The following AFF2 variants were observed in gnomAD, a reference collection of about 807,000 sequenced individuals.
AFF2 encodes the protein ALF transcription elongation factor 2.
Under a neutral mutation model 76.9 loss-of-function variants are expected in AFF2, and 14 were observed. The ratio of observed to expected loss-of-function variants is 0.18; its 90% confidence interval spans 0.12 to 0.28. The LOEUF is 0.28. AFF2 is among the 10% of genes least tolerant of loss of function. The probability of loss-of-function intolerance (pLI) is 1.00; values close to 1 mark genes in which losing one functional copy is unlikely to be tolerated. For missense variants in AFF2, 868 were observed against 1,001.1 expected (o/e 0.87, Z 1.79); for synonymous variants, 398 against 366.7 (o/e 1.09, Z -0.98).
At chrX:148,822,860 G>T (rs1188965462) in intron 4 of AFF2, among the ~76,000 whole-genome samples, 1 of 110,917 alleles carries the variant, frequency 9.0e-6, no homozygotes, top group Non-Finnish European at 1.9e-5. Flanking sequence ...ATGTTAACTG[G>T]AAATTGCAGA....
chrX:148,796,556 A>G (rs2069985730), intron 3 of AFF2, among the ~76,000 whole-genome samples: 1 of 112,181 alleles, frequency 8.9e-6, no homozygotes, highest in South Asian at 3.7e-4. Flanking sequence ...ATGCGAAAGT[A>G]AGTTGAACTT....
intron 3 of AFF2, among the ~76,000 whole-genome samples, chrX:148,738,840 G>C (rs1399679960): frequency 1.8e-5 from 2 of 111,703 alleles, no homozygotes; most frequent in Non-Finnish European, 3.8e-5. Flanking sequence ...TCAGTTCAAA[G>C]AATTTGTTAA....
chrX:148,802,815 C>T (rs1264968545), intron 3 of AFF2, among the ~76,000 whole-genome samples: 1 of 112,167 alleles, frequency 8.9e-6, no homozygotes, highest in African/African-American at 3.2e-5. Flanking sequence ...CAAGAGCATA[C>T]TACAACTTTA....
intron 3 of AFF2, among the ~76,000 whole-genome samples, chrX:148,807,938 G>A (rs782271353): frequency 5.4e-5 from 6 of 112,046 alleles, no homozygotes; most frequent in Admixed American, 1.9e-4. Flanking sequence ...TTCATTGTGT[G>A]GAATAACAGT....
At chrX:148,603,479 G>C (rs1195992198) in intron 1 of AFF2, among the ~76,000 whole-genome samples, 2 of 106,556 alleles carry the variant, frequency 1.9e-5, no homozygotes, top group East Asian at 5.9e-4. Flanking sequence ...CCCCATCATT[G>C]CCTTGGTTTT....
In AFF2 at chrX:148,994,271, A is replaced by G. The variant is rs1557292716; in HGVS notation, c.*2939A>G. 1 of 111,807 alleles carries G rather than the reference A, an allele frequency of 8.9e-6. No homozygotes were observed. Among genetic ancestry groups the G allele is most frequent in the Non-Finnish European group, 1.9e-5 (1 of 53,085 alleles). 9.2% of individuals were successfully genotyped at this position (111,807 alleles called of 1,213,427 possible). A position where few individuals can be genotyped will look rare whatever the true frequency, so the allele number is the denominator to read the frequency against. ...GAGAGTTTGACAAGTTTGTGTTATGATGTTGGCTTGGCTTTGTATTTTTAA... is the reference window on the plus strand; with the variant it reads ...GAGAGTTTGACAAGTTTGTGTTATGGTGTTGGCTTGGCTTTGTATTTTTAA... On this transcript the variant is annotated 3_prime_UTR_variant, in exon 21 of 21. Coordinates refer to ENST00000370460, the MANE Select transcript of AFF2 (RefSeq NM_002025.4).
chrX:148,905,128 G>C (rs782122609), intron 9 of AFF2, among the ~76,000 whole-genome samples: 1 of 112,311 alleles, frequency 8.9e-6, no homozygotes, highest in South Asian at 3.7e-4. Flanking sequence ...TGGGAGAATG[G>C]ATCAGCTAAT....
intron 1 of AFF2, among the ~76,000 whole-genome samples, chrX:148,593,772 CT>C (rs2053544738): frequency 8.9e-6 from 1 of 112,044 alleles, no homozygotes; most frequent in Admixed American, 9.5e-5. Context: ...CTTGTTTAAT[CT>C]TCACAAAACC....
At chrX:148,773,308 A>C (rs2069613931) in intron 3 of AFF2, among the ~76,000 whole-genome samples, 1 of 110,902 alleles carries the variant, frequency 9.0e-6, no homozygotes, top group African/African-American at 3.3e-5. Flanking sequence ...ATCTCTTTTA[A>C]AAAGTAATAA....
intron 4 of AFF2, among the ~76,000 whole-genome samples, chrX:148,821,328 T>C (rs1557272529): frequency 9.0e-6 from 1 of 110,993 alleles, no homozygotes; most frequent in Non-Finnish European, 1.9e-5. Context: ...GGTAGATCTG[T>C]CCAAGGGTAG....
intron 7 of AFF2, among the ~76,000 whole-genome samples, chrX:148,878,796 C>A (rs2071064270): frequency 1.8e-5 from 2 of 112,399 alleles, no homozygotes; most frequent in Non-Finnish European, 3.8e-5. Context: ...ACACACACTT[C>A]TAAAAAATGA....
At chrX:148,787,252 T>C (rs782506277) in intron 3 of AFF2, among the ~76,000 whole-genome samples, 84 of 111,545 alleles carry the variant, frequency 7.5e-4, no homozygotes, top group Admixed American at 3.5e-3. Context: ...TGGTTTGGAA[T>C]GGTGTGAGCA....
intron 3 of AFF2, among the ~76,000 whole-genome samples, chrX:148,786,414 T>G (rs782268432): frequency 1.8e-5 from 2 of 111,978 alleles, no homozygotes; most frequent in South Asian, 7.6e-4. Context: ...ACAACAGAAC[T>G]TCATTGCCTC....
chrX:148,922,391 C>T (rs1240497461), intron 9 of AFF2, among the ~76,000 whole-genome samples: 1 of 111,591 alleles, frequency 9.0e-6, no homozygotes, highest in African/African-American at 3.3e-5. Context: ...CTGGAAAAAC[C>T]GTCTGGCACA....
intron 1 of AFF2, among the ~76,000 whole-genome samples, chrX:148,581,166 C>CAT (rs782332559): frequency 4.1e-4 from 25 of 60,400 alleles, no homozygotes; most frequent in African/African-American, 8.5e-4. Flanking sequence ...CGTATACACA[C>CAT]ATACATATAC....
intron 1 of AFF2, among the ~76,000 whole-genome samples, chrX:148,618,682 A>C (rs1022216262): frequency 1.8e-5 from 2 of 111,762 alleles, no homozygotes; most frequent in African/African-American, 6.5e-5. Context: ...AATTGATACA[A>C]GGTGGATTTT....
At chrX:148,581,356 A>ATATACACG (rs1557244830) in intron 1 of AFF2, among the ~76,000 whole-genome samples, 3 of 228 alleles carry the variant, frequency 0.013, no homozygotes, top group African/African-American at 0.024. Flanking sequence ...GTGTACACAC[A>ATATACACG]TATATACGTA....
chrX:148,678,845 T>C (rs1237374152), intron 3 of AFF2, among the ~76,000 whole-genome samples: 1 of 111,841 alleles, frequency 8.9e-6, no homozygotes, highest in Non-Finnish European at 1.9e-5. Flanking sequence ...GTAGCTACAG[T>C]GTGTTATTGA....
chrX:148,717,120 T>C (rs1337703340), intron 3 of AFF2, among the ~76,000 whole-genome samples: 1 of 111,950 alleles, frequency 8.9e-6, no homozygotes, highest in African/African-American at 3.2e-5. Flanking sequence ...CAGATGTTCA[T>C]AATAGCATTA....
Sources: allele counts gnomAD v4.1 joint callset (sites outside exome capture counted in the v4.1 genomes callset), GRCh38; gene constraint gnomAD v4.1.1; transcripts MANE v1.5; gene names NCBI Gene and HGNC (gene_info 2026-07-23, HGNC 2026-07-21).